GFRA1: variants seen among roughly 807,000 people sequenced by gnomAD.
GFRA1 encodes the protein GDNF family receptor alpha 1.
GFRA1 carries 16 observed loss-of-function variants against 51.6 expected under a neutral mutation model. The observed-to-expected ratio is 0.31, with a 90% CI of 0.21 to 0.47. GFRA1 has a LOEUF of 0.47. Ranked by LOEUF, GFRA1 falls within the 20% of genes least tolerant of loss-of-function variation. The pLI is 1.00. For synonymous variants in GFRA1, 270 were observed against 241.3 expected (o/e 1.12, Z -1.10); for missense variants, 530 against 594.3 (o/e 0.89, Z 1.13).
At chr10:116,109,399 T>C (rs576854796) in intron 6 of GFRA1, among the ~76,000 whole-genome samples, 80 of 152,318 alleles carry the variant, frequency 5.3e-4, no homozygotes, top group Non-Finnish European at 9.0e-4. Context: ...AATAAAAGAA[T>C]GACAGAATTA....
chr10:116,158,885 T>A (rs1164372779), intron 5 of GFRA1, among the ~76,000 whole-genome samples: 3 of 152,082 alleles, frequency 2.0e-5, no homozygotes, highest in Non-Finnish European at 4.4e-5. Flanking sequence ...CTCAACACAG[T>A]CTCAGCCCCT....
chr10:116,172,535 C>G (rs866248003), intron 5 of GFRA1, among the ~76,000 whole-genome samples: 1 of 152,088 alleles, frequency 6.6e-6, no homozygotes, highest in Non-Finnish European at 1.5e-5. Context: ...CAAGAGGAAA[C>G]GGCACTTGAG....
intron 5 of GFRA1, among the ~76,000 whole-genome samples, chr10:116,130,299 A>C (rs562723312): frequency 4.6e-5 from 7 of 152,122 alleles, no homozygotes; most frequent in African/African-American, 1.4e-4. Context: ...AAGACAACTA[A>C]TATTATTACA....
chr10:116,095,748 G>A (rs188325187), intron 7 of GFRA1, among the ~76,000 whole-genome samples: 1 of 152,322 alleles, frequency 6.6e-6, no homozygotes, highest in East Asian at 1.9e-4. Context: ...TTCTCCGGGA[G>A]AGGTTCTTCC....
At position 116,064,558 on chromosome 10, in the gene GFRA1, T is replaced by A; in HGVS notation, c.1252-14A>T. The A allele has an allele frequency of 5.6e-6, 9 of 1,608,540 alleles. No individual in the cohort carries two copies. Among genetic ancestry groups the A allele is most frequent in the African/African-American group, 1.3e-5 (1 of 74,824 alleles). On this transcript the variant is annotated splice_polypyrimidine_tract_variant and intron_variant, in intron 10 of 10. Coordinates refer to ENST00000355422, the MANE Select transcript of GFRA1 (RefSeq NM_005264.8). ...TTCATAATTACCCTGTAAGGAAGAATGGTTTCATTATCATCCACTGCATGT... is the reference window on the plus strand; with the variant it reads ...TTCATAATTACCCTGTAAGGAAGAAAGGTTTCATTATCATCCACTGCATGT...
Position 116,142,879 on chromosome 10 carries a change from T to A in GFRA1, c.434-17322A>T, listed in dbSNP as rs144460060. On this transcript the variant is annotated intron_variant, in intron 5 of 10. Transcript: ENST00000355422. ...ATTCCAACAGGGACTAGACTCCTCA[T>A]AATAAAGATTAAAGCTGAAATTGGC... Among the ~76,000 whole-genome samples the A allele has an allele frequency of 5.3e-5, 8 of 152,288 alleles. No individual in the cohort carries two copies. In the East Asian group the frequency reaches 1.4e-3, roughly 26 times the overall value.
chr10:116,186,121 C>A (rs1283169032), intron 5 of GFRA1, among the ~76,000 whole-genome samples: 1 of 152,172 alleles, frequency 6.6e-6, no homozygotes, highest in Non-Finnish European at 1.5e-5. Context: ...TGCCCAGACC[C>A]TTAGTGCAGG....
At chr10:116,191,512 T>C (rs185024958) in intron 5 of GFRA1, among the ~76,000 whole-genome samples, 3 of 152,326 alleles carry the variant, frequency 2.0e-5, no homozygotes, top group Admixed American at 6.5e-5. Flanking sequence ...TCACACAGAC[T>C]GACTTAATTG....
chr10:116,200,052 T>C lies in GFRA1; in HGVS notation c.433+11579A>G, dbSNP rs2420128. Among the ~76,000 whole-genome samples the C allele has an allele frequency of 1.1e-4, 16 of 152,378 alleles. No homozygotes were observed. In the East Asian group the frequency reaches 2.9e-3, roughly 28 times the overall value. ...ATCATGTTGTTGTGTGCAACCTTTT[T>C]TGCTTTTTATAGTTGAGTAGTGTTC... On this transcript the variant is annotated intron_variant, in intron 5 of 10. Transcript: ENST00000355422.
intron 5 of GFRA1, among the ~76,000 whole-genome samples, chr10:116,129,330 G>A (rs1025159423): frequency 3.0e-4 from 46 of 152,076 alleles, no homozygotes; most frequent in African/African-American, 1.0e-3. Context: ...CTAATGCATC[G>A]TGACCAACTT....
intron 5 of GFRA1, among the ~76,000 whole-genome samples, chr10:116,201,057 G>C (rs1000777096): frequency 1.3e-5 from 2 of 152,110 alleles, no homozygotes; most frequent in Admixed American, 6.5e-5. Context: ...ACTTCCTTGG[G>C]CTTTCTAGAA....
chr10:116,109,418 T>A (rs1957115752), intron 6 of GFRA1, among the ~76,000 whole-genome samples: 1 of 152,176 alleles, frequency 6.6e-6, no homozygotes, highest in Non-Finnish European at 1.5e-5. Flanking sequence ...TAGTGGGCAT[T>A]CTTTTTGGTT....
chr10:116,132,461 A>G (rs962845048), intron 5 of GFRA1, among the ~76,000 whole-genome samples: 2 of 152,130 alleles, frequency 1.3e-5, no homozygotes, highest in Non-Finnish European at 2.9e-5. Flanking sequence ...AAATGTTCAT[A>G]ATAAAATATT....
chr10:116,077,269 A>C (rs1955659061), intron 9 of GFRA1, among the ~76,000 whole-genome samples: 1 of 152,238 alleles, frequency 6.6e-6, no homozygotes, highest in African/African-American at 2.4e-5. Context: ...AAAAATTATT[A>C]TAATTTAGAG....
chr10:116,229,719 C>T (rs1193897706), intron 4 of GFRA1, among the ~76,000 whole-genome samples: 1 of 152,196 alleles, frequency 6.6e-6, no homozygotes, highest in African/African-American at 2.4e-5. Flanking sequence ...TAGGGCTGCC[C>T]TTCCCCTAAT....
chr10:116,209,977 G>A (rs1965064942), intron 5 of GFRA1, among the ~76,000 whole-genome samples: 2 of 152,178 alleles, frequency 1.3e-5, no homozygotes, highest in African/African-American at 2.4e-5. Context: ...GCCGCCCACT[G>A]ACACACAGAG....
intron 6 of GFRA1, among the ~76,000 whole-genome samples, chr10:116,108,436 T>G (rs893468084): frequency 3.9e-5 from 6 of 152,190 alleles, no homozygotes; most frequent in Non-Finnish European, 8.8e-5. Flanking sequence ...TAACTCCTAT[T>G]AGCAACCCAT....
chr10:116,211,208 T>C (rs1205697890), intron 5 of GFRA1, among the ~76,000 whole-genome samples: 1 of 152,228 alleles, frequency 6.6e-6, no homozygotes, highest in Non-Finnish European at 1.5e-5. Context: ...GTGGCATGTT[T>C]GCTTGGCAAA....
In GFRA1 at chr10:116,125,238, C is replaced by T. The variant is rs1957806164; in HGVS notation, c.753G>A (p.Lys251=). Residue 251 remains lysine (K), a synonymous_variant, in exon 6 of 11, where the codon AAG becomes AAA. Transcript: ENST00000355422. ...PNCLNLQDSC[K]TNYICRSRLA... ...CCACTTACCTGCAGATGTAATTCGT[C>T]TTGCAGGAGTCCTGCAAATTCAAAC... The T allele has an allele frequency of 3.1e-6, 5 of 1,613,562 alleles. No homozygotes were observed. The highest frequency in any genetic ancestry group is 4.2e-6 in the Non-Finnish European group (5 of 1,179,452).
Sources: gnomAD v4.1 joint callset for allele counts (sites outside exome capture counted in the v4.1 genomes callset) on GRCh38, gnomAD v4.1.1 for gene constraint, MANE v1.5 for transcripts, NCBI Gene and HGNC (gene_info 2026-07-23, HGNC 2026-07-21) for gene names.